The following SLC25A48 variants were observed in gnomAD, a reference collection of about 807,000 sequenced individuals.
SLC25A48 encodes the protein CTC-321K16.1.
Under a neutral mutation model 32.2 loss-of-function variants are expected in SLC25A48, and 29 were observed. That is an observed-to-expected ratio of 0.90 (90% CI 0.67 to 1.23). The LOEUF is 1.23. SLC25A48 is among the 50% of genes most tolerant of loss of function. SLC25A48 has a pLI of 0.00. For synonymous variants in SLC25A48, 164 were observed against 172.3 expected (o/e 0.95, Z 0.38); for missense variants, 399 against 422.7 (o/e 0.94, Z 0.49).
At chr5:135,581,361 G>T (rs1220697548) in intron 1 of SLC25A48, among the ~76,000 whole-genome samples, 1 of 152,144 alleles carries the variant, frequency 6.6e-6, no homozygotes, top group African/African-American at 2.4e-5. Flanking sequence ...TAATACATTG[G>T]ATCAGCCCTC....
At chr5:135,688,428 C>T (rs1241661845) in intron 3 of SLC25A48, among the ~76,000 whole-genome samples, 1 of 152,106 alleles carries the variant, frequency 6.6e-6, no homozygotes, top group African/African-American at 2.4e-5. Context: ...ATCCAAAGTG[C>T]TCCTTGTGTT....
intron 3 of SLC25A48, among the ~76,000 whole-genome samples, chr5:135,771,672 G>C (rs896002376): frequency 6.6e-6 from 1 of 151,680 alleles, no homozygotes; most frequent in South Asian, 2.1e-4. Flanking sequence ...GGAGGAAGAG[G>C]GTGATATTAC....
At chr5:135,821,723 T>C (rs1757891842) in intron 4 of SLC25A48, 1 of 152,290 alleles carries the variant, frequency 6.6e-6, no homozygotes, top group African/African-American at 2.4e-5. Flanking sequence ...CAGAGCCATC[T>C]GGCTTTCTTG....
chr5:135,834,370 G>GA (rs373425728), upstream of SLC25A48, among the ~76,000 whole-genome samples: 327 of 152,342 alleles, frequency 2.1e-3, no homozygotes, highest in African/African-American at 7.5e-3. Flanking sequence ...CCAGAGTTGG[G>GA]ATGGGAGAGA....
chr5:135,823,149 G>A (rs1757935136), intron 4 of SLC25A48, among the ~76,000 whole-genome samples: 1 of 152,116 alleles, frequency 6.6e-6, no homozygotes, highest in South Asian at 2.1e-4. Context: ...GGGCTAGGGT[G>A]GGAGTCGGGA....
At chr5:135,700,616 C>G (rs1416097804) in intron 3 of SLC25A48, among the ~76,000 whole-genome samples, 1 of 152,160 alleles carries the variant, frequency 6.6e-6, no homozygotes, top group Non-Finnish European at 1.5e-5. Context: ...CTGGCTGTCT[C>G]CAGCCCTAAG....
intron 7 of SLC25A48, among the ~76,000 whole-genome samples, chr5:135,886,680 G>C (rs1335031494): frequency 1.9e-5 from 2 of 105,724 alleles, no homozygotes; most frequent in East Asian, 2.3e-4. Flanking sequence ...GTGTGAGAGA[G>C]AGAGAGAGAG....
intron 2 of SLC25A48, among the ~76,000 whole-genome samples, chr5:135,844,724 T>G (rs1280438341): frequency 6.6e-6 from 1 of 152,214 alleles, no homozygotes; most frequent in Non-Finnish European, 1.5e-5. Context: ...TGTGACAATG[T>G]CCAGCAAGAT....
intron 3 of SLC25A48, among the ~76,000 whole-genome samples, chr5:135,798,630 C>G (rs1757245017): frequency 6.6e-6 from 1 of 151,662 alleles, no homozygotes; most frequent in South Asian, 2.1e-4. Flanking sequence ...TTTGCACCCC[C>G]TGCTGTGATA....
chr5:135,886,590 TATA>T (rs1160662254), intron 7 of SLC25A48, among the ~76,000 whole-genome samples: 1 of 5,136 alleles, frequency 1.9e-4, no homozygotes, highest in African/African-American at 1.5e-3. Flanking sequence ...TTTAACCAAA[TATA>T]TATATATATA....
At chr5:135,650,468 G>A (rs1180364483) in intron 3 of SLC25A48, 1 of 455,974 alleles carries the variant, frequency 2.2e-6, no homozygotes, top group Non-Finnish European at 4.4e-6. Flanking sequence ...GAACCAGCCG[G>A]GTTCATCAGG....
chr5:135,627,681 A>C (rs567340284), intron 1 of SLC25A48, among the ~76,000 whole-genome samples: 2 of 152,176 alleles, frequency 1.3e-5, no homozygotes, highest in South Asian at 2.1e-4. Context: ...CATTTTGCTG[A>C]GGAGTCAGCA....
In SLC25A48 at chr5:135,719,211, G is replaced by A. The variant is rs571843114; in HGVS notation, c.-521+84255G>A. ...AATAGAAATGTAAACACAGTAAGTT[G>A]AAGAGCCTGCGTTTACATTTTACAA... On this transcript the variant is annotated intron_variant, in intron 3 of 10. Transcript: ENST00000646290. Among the ~76,000 whole-genome samples, 7 of 152,288 alleles carry A rather than the reference G, an allele frequency of 4.6e-5. No individual in the cohort carries two copies. In the East Asian group the frequency reaches 1.4e-3, roughly 29 times the overall value.
Position 135,728,757 on chromosome 5 carries a change from A to G in SLC25A48, c.-520-83766A>G, listed in dbSNP as rs60370922. ...TTTGAAGTGAAACTAGCATTTAGTT[A>G]TCAGCTCAGGCCACTTTCTACCTCT... is the stretch of plus-strand genomic sequence containing the variant. On this transcript the variant is annotated intron_variant, in intron 3 of 10. Transcript: ENST00000646290. Among the ~76,000 whole-genome samples, 1,520 of 152,028 alleles carry G rather than the reference A, an allele frequency of 1.0e-2. 34 individuals are homozygous for G. The highest frequency in any genetic ancestry group is 0.034 in the African/African-American group (1,429 of 41,430).
intron 4 of SLC25A48, among the ~76,000 whole-genome samples, chr5:135,818,054 C>CCTCTCTCT (rs58632457): frequency 7.4e-5 from 6 of 80,662 alleles, no homozygotes; most frequent in South Asian, 5.3e-4. Flanking sequence ...TCTCTCTGTT[C>CCTCTCTCT]CTCTCTCTCT....
chr5:135,718,371 T>G (rs1287268177), intron 3 of SLC25A48, among the ~76,000 whole-genome samples: 1 of 152,164 alleles, frequency 6.6e-6, no homozygotes, highest in South Asian at 2.1e-4. Context: ...GTGAGGACTG[T>G]GGTAAAGATG....
intron 3 of SLC25A48, among the ~76,000 whole-genome samples, chr5:135,747,349 AT>A (rs926930740): frequency 2.2e-5 from 3 of 134,698 alleles, no homozygotes; most frequent in Admixed American, 7.5e-5. Flanking sequence ...GGATTCCTGG[AT>A]TTTTTTTTAA....
At position 135,745,492 on chromosome 5, in the gene SLC25A48, C is replaced by T. The variant is rs142666683; in HGVS notation, c.-520-67031C>T. ...CAGTTTCTCATGGCCTGTTTATGGCCAGATGTGGGGGGCCTGTTCCCAGCA... is the reference window on the plus strand; with the variant it reads ...CAGTTTCTCATGGCCTGTTTATGGCTAGATGTGGGGGGCCTGTTCCCAGCA... On this transcript the variant is annotated intron_variant, in intron 3 of 10. Coordinates refer to the SLC25A48 transcript ENST00000646290. 9.7e-3 allele frequency among the ~76,000 whole-genome samples: 1,469 copies of T among 152,194 alleles called. 16 individuals are homozygous for T. Among genetic ancestry groups the T allele is most frequent in the Admixed American group, 0.031 (480 of 15,296 alleles).
At chr5:135,587,958 G>C (rs1751410320) in intron 1 of SLC25A48, among the ~76,000 whole-genome samples, 1 of 152,244 alleles carries the variant, frequency 6.6e-6, no homozygotes, top group Non-Finnish European at 1.5e-5. Context: ...GGGCAGGAGG[G>C]AAAGTGTGGT....
Sources: allele counts gnomAD v4.1 joint callset (sites outside exome capture counted in the v4.1 genomes callset), GRCh38; gene constraint gnomAD v4.1.1; transcripts MANE v1.5; gene names NCBI Gene and HGNC (gene_info 2026-07-23, HGNC 2026-07-21).